TPRG1: variants seen among roughly 807,000 people sequenced by gnomAD.
TPRG1 encodes the protein tumor protein p63 regulated 1.
Under a neutral mutation model 29.3 loss-of-function variants are expected in TPRG1, and 29 were observed. The observed-to-expected ratio is 0.99, with a 90% CI of 0.74 to 1.35. The LOEUF (loss-of-function observed/expected upper bound fraction) is 1.35, where lower values mean the gene tolerates loss of function less well. TPRG1 is among the 40% of genes most tolerant of loss of function. TPRG1 has a pLI of 0.00. For missense variants in TPRG1, 327 were observed against 335.0 expected, an observed-to-expected ratio of 0.98 and a Z score of 0.19; for synonymous variants, 130 against 116.8, an observed-to-expected ratio of 1.11 and a Z score of -0.73.
At chr3:189,280,004 GGA>G (rs1716833420) in intron 4 of TPRG1, among the ~76,000 whole-genome samples, 1 of 152,144 alleles carries the variant, frequency 6.6e-6, no homozygotes, top group Non-Finnish European at 1.5e-5. Context: ...CCTCTGAGCG[GGA>G]TTGGTAGCCA....
chr3:189,023,206 G>C (rs1284413404), intron 3 of TPRG1, among the ~76,000 whole-genome samples: 1 of 152,204 alleles, frequency 6.6e-6, no homozygotes, highest in Non-Finnish European at 1.5e-5. Flanking sequence ...CTCACGCTGG[G>C]AGCTGCAGAC....
intron 4 of TPRG1, among the ~76,000 whole-genome samples, chr3:189,292,107 G>T (rs554651828): frequency 2.0e-5 from 3 of 152,138 alleles, no homozygotes; most frequent in Admixed American, 6.5e-5. Context: ...AACATCTTCT[G>T]TGTTATTTCT....
intron 3 of TPRG1, among the ~76,000 whole-genome samples, chr3:189,228,408 A>G (rs1279731139): frequency 1.3e-5 from 2 of 152,170 alleles, no homozygotes; most frequent in African/African-American, 2.4e-5. Flanking sequence ...AAATTGGTGT[A>G]AAAAGAATTA....
At chr3:189,256,302 T>C (rs979257719) in intron 4 of TPRG1, among the ~76,000 whole-genome samples, 2 of 152,198 alleles carry the variant, frequency 1.3e-5, no homozygotes, top group African/African-American at 4.8e-5. Context: ...GATTGTTCAG[T>C]TTCCATGTAG....
chr3:189,295,880 T>G (rs781258503), intron 4 of TPRG1, among the ~76,000 whole-genome samples: 1 of 149,874 alleles, frequency 6.7e-6, no homozygotes, highest in Admixed American at 6.7e-5. Context: ...TGGGGAAAGA[T>G]GATTTACTTA....
chr3:189,084,644 GTC>G (rs556311705), intron 4 of TPRG1, among the ~76,000 whole-genome samples: 5 of 152,314 alleles, frequency 3.3e-5, no homozygotes, highest in African/African-American at 1.2e-4. Context: ...TAAGCTTTCT[GTC>G]TCTCACTATG....
chr3:189,022,858 T>C (rs6775201), intron 3 of TPRG1, among the ~76,000 whole-genome samples: 4,749 of 152,296 alleles, frequency 0.031, 175 homozygotes, highest in African/African-American at 0.083. Context: ...GATCTCAGAC[T>C]GCTGTGCTAG....
intron 4 of TPRG1, among the ~76,000 whole-genome samples, chr3:189,075,555 T>C (rs1717113954): frequency 6.6e-6 from 1 of 152,208 alleles, no homozygotes; most frequent in South Asian, 2.1e-4. Context: ...GTCTCTTTTT[T>C]CTCCCTGGTC....
chr3:189,249,602 CAT>C (rs548748022), intron 4 of TPRG1, among the ~76,000 whole-genome samples: 13 of 151,896 alleles, frequency 8.6e-5, no homozygotes, highest in African/African-American at 3.1e-4. Flanking sequence ...ATTTTTGTAT[CAT>C]ATTTTTAAAA....
chr3:189,093,193 C>G (rs7630542), intron 4 of TPRG1, among the ~76,000 whole-genome samples: 24,685 of 151,768 alleles, frequency 0.16, 3,812 homozygotes, highest in African/African-American at 0.41. Context: ...AAGGAGAGAG[C>G]GTCAATAAAG....
At position 189,136,845 on chromosome 3, in the gene TPRG1, A is replaced by T. The variant is rs183863275; in HGVS notation, c.-291+4148A>T. Among the ~76,000 whole-genome samples, 5 of 152,306 alleles carry T rather than the reference A, an allele frequency of 3.3e-5. No homozygotes were observed. In the East Asian group the frequency reaches 9.6e-4, roughly 29 times the overall value. On this transcript the variant is annotated intron_variant, in intron 3 of 6. Transcript: ENST00000412373. ...CCCTGTGTAGACCACTACAGGATTT[A>T]TAGAGCATTTTAATGTCTATTACCT...
intron 3 of TPRG1, among the ~76,000 whole-genome samples, chr3:189,226,385 C>G (rs1000659501): frequency 6.6e-6 from 1 of 151,974 alleles, no homozygotes; most frequent in Non-Finnish European, 1.5e-5. Flanking sequence ...AGAAAAATGT[C>G]CAAACACTCG....
At chr3:189,161,747 C>G (rs764741103) in intron 5 of TPRG1, among the ~76,000 whole-genome samples, 16 of 152,258 alleles carry the variant, frequency 1.1e-4, no homozygotes, top group Middle Eastern at 3.4e-3. Flanking sequence ...AAAGAGCTCT[C>G]AGATTAATCA....
At chr3:189,290,412 A>C (rs1045217411) in intron 4 of TPRG1, among the ~76,000 whole-genome samples, 1 of 152,212 alleles carries the variant, frequency 6.6e-6, no homozygotes, top group African/African-American at 2.4e-5. Flanking sequence ...TCAGCGATGA[A>C]TCGATAGAGT....
Position 189,194,933 on chromosome 3 carries a change from C to T in TPRG1, c.-9-12443C>T, listed in dbSNP as rs760284531. Among the ~76,000 whole-genome samples the T allele has an allele frequency of 3.9e-5, 6 of 152,218 alleles. No individual in the cohort carries two copies. The South Asian group carries it at 8.3e-4, about 21-fold the overall frequency. On this transcript the variant is annotated intron_variant, in intron 1 of 5. Coordinates refer to ENST00000345063, the MANE Select transcript of TPRG1 (RefSeq NM_198485.4). ...AAGAGGGGTGTCTCAGCAGCTAAGA[C>T]ACCACTCTAGGGGGCTAGTCCAGCT...
chr3:189,100,543 A>G (rs1281515443), intron 1 of TPRG1, among the ~76,000 whole-genome samples: 2 of 152,186 alleles, frequency 1.3e-5, no homozygotes, highest in African/African-American at 4.8e-5. Flanking sequence ...GTAGTAAGAT[A>G]ATATTTGCAC....
At chr3:189,286,485 G>A (rs150735352) in intron 4 of TPRG1, among the ~76,000 whole-genome samples, 43 of 152,158 alleles carry the variant, frequency 2.8e-4, no homozygotes, top group African/African-American at 1.0e-3. Context: ...AGGCAATTAA[G>A]TGAATGCATG....
chr3:189,096,910 T>G (rs959505241), upstream of TPRG1, among the ~76,000 whole-genome samples: 2 of 152,198 alleles, frequency 1.3e-5, no homozygotes, highest in African/African-American at 4.8e-5. Flanking sequence ...TCTCTCTCTT[T>G]TTTGCTACCA....
intron 1 of TPRG1, among the ~76,000 whole-genome samples, chr3:189,109,267 G>A (rs1720202698): frequency 6.6e-6 from 1 of 152,166 alleles, no homozygotes; most frequent in African/African-American, 2.4e-5. Flanking sequence ...TGGACCATCA[G>A]CAAGATCCTA....
Sources: allele counts gnomAD v4.1 joint callset (sites outside exome capture counted in the v4.1 genomes callset), GRCh38; gene constraint gnomAD v4.1.1; transcripts MANE v1.5; gene names NCBI Gene and HGNC (gene_info 2026-07-23, HGNC 2026-07-21).